Variants in ABCB11 observed in about 807,000 individuals in gnomAD.
ABCB11 encodes the protein ATP binding cassette subfamily B member 11, also known as bile salt export pump.
In ABCB11, 95 loss-of-function variants were observed where a neutral mutation model predicts 148.0. That is an observed-to-expected ratio of 0.64 (90% CI 0.54 to 0.76). The LOEUF is 0.76. Ranked by LOEUF, ABCB11 falls within the 30% of genes least tolerant of loss-of-function variation. The pLI is 0.00. For missense variants in ABCB11, 1,523 were observed against 1,617.8 expected, an observed-to-expected ratio of 0.94 and a Z score of 1.01; for synonymous variants, 591 against 555.4, an observed-to-expected ratio of 1.06 and a Z score of -0.90.
chr2:168,934,084 T>A (rs77017539), intron 23 of ABCB11, among the ~76,000 whole-genome samples: 2 of 117,108 alleles, frequency 1.7e-5, no homozygotes, highest in Non-Finnish European at 4.5e-5. Context: ...GGCAAAAAAA[T>A]ATTCTAAATT....
intron 1 of ABCB11, among the ~76,000 whole-genome samples, chr2:169,028,201 A>T (rs919110395): frequency 2.6e-5 from 4 of 151,930 alleles, no homozygotes; most frequent in African/African-American, 9.7e-5. Context: ...TGAGGACCTG[A>T]TTTACCTACC....
downstream of ABCB11, among the ~76,000 whole-genome samples, chr2:168,919,678 G>C (rs1359971523): frequency 6.6e-6 from 1 of 151,530 alleles, no homozygotes; most frequent in African/African-American, 2.4e-5. Flanking sequence ...ATGGGGAGTA[G>C]AGGTGTTGAG....
chr2:168,919,344 C>T (rs1033787388), downstream of ABCB11, among the ~76,000 whole-genome samples: 69 of 152,134 alleles, frequency 4.5e-4, no homozygotes, highest in African/African-American at 1.5e-3. Context: ...TCTTCTATTA[C>T]GCATTGCTAA....
At chr2:168,967,741 G>A (rs1693379976) in intron 17 of ABCB11, among the ~76,000 whole-genome samples, 1 of 151,794 alleles carries the variant, frequency 6.6e-6, no homozygotes, top group South Asian at 2.1e-4. Flanking sequence ...ACACTCCTGG[G>A]CAGAATTCTT....
chr2:168,921,338 G>A lies in ABCB11; in HGVS notation c.*2284C>T, dbSNP rs1437530872. Among the ~76,000 whole-genome samples, 2 of 152,096 alleles carry A rather than the reference G, an allele frequency of 1.3e-5. No individual in the cohort carries two copies. Among genetic ancestry groups the A allele is most frequent in the African/African-American group, 4.8e-5 (2 of 41,410 alleles). On this transcript the variant is annotated 3_prime_UTR_variant, in exon 28 of 28. Transcript: ENST00000650372. ...TGGCTTAATTTATAGGCAGAATTTC[G>A]TTTGTTGGCTAAGGGAAGAAAAACC...
rs140755843 is a variant in ABCB11 at position 169,016,962 on chromosome 2, GTCTC to G, written c.77-167_77-164del. ...CCTTTTCTTTCTTCCTGCTCATATT[GTCTC>G]TCTCTATCTTTCTACACACACACAC... On this transcript the variant is annotated intron_variant, in intron 2 of 27. Coordinates refer to ENST00000650372, the MANE Select transcript of ABCB11 (RefSeq NM_003742.4). Among the ~76,000 whole-genome samples, 204 of 143,108 alleles carry G rather than the reference GTCTC, an allele frequency of 1.4e-3. 1 individual carries two copies. The highest frequency in any genetic ancestry group is 0.013 in the South Asian group (56 of 4,454). 93.9% of individuals were successfully genotyped at this position (143,108 alleles called of 152,430 possible).
At chr2:168,981,091 G>T (rs994571644) in intron 10 of ABCB11, among the ~76,000 whole-genome samples, 1 of 152,092 alleles carries the variant, frequency 6.6e-6, no homozygotes, top group African/African-American at 2.4e-5. Context: ...GTTTCTATAG[G>T]CCAGACCCTT....
At chr2:168,950,608 T>C (rs370764082) in intron 19 of ABCB11, among the ~76,000 whole-genome samples, 1 of 151,722 alleles carries the variant, frequency 6.6e-6, no homozygotes, top group East Asian at 1.9e-4. Context: ...GCTCATGTCC[T>C]TCACCTACCT....
intron 5 of ABCB11, among the ~76,000 whole-genome samples, chr2:169,011,902 C>T (rs1695199389): frequency 6.6e-6 from 1 of 152,116 alleles, no homozygotes; most frequent in Non-Finnish European, 1.5e-5. Flanking sequence ...TGGGCTCAAA[C>T]AATCCTCCTG....
At chr2:168,981,887 G>A (rs1339810624) in intron 10 of ABCB11, among the ~76,000 whole-genome samples, 5 of 152,138 alleles carry the variant, frequency 3.3e-5, no homozygotes, top group Non-Finnish European at 7.3e-5. Flanking sequence ...ATAAAAACAG[G>A]CAGTGAGCTG....
chr2:168,948,951 T>C (rs866919370), intron 19 of ABCB11, among the ~76,000 whole-genome samples: 1 of 151,602 alleles, frequency 6.6e-6, no homozygotes, highest in Non-Finnish European at 1.5e-5. Flanking sequence ...AGAGGTGATG[T>C]GAGAGAAAGA....
At chr2:168,952,992 A>C (rs917298102) in intron 19 of ABCB11, among the ~76,000 whole-genome samples, 18 of 151,588 alleles carry the variant, frequency 1.2e-4, no homozygotes, top group Admixed American at 5.3e-4. Context: ...ATGCTGTTTA[A>C]TTTCCATGTA....
chr2:169,024,134 C>G (rs1187462020), intron 1 of ABCB11, among the ~76,000 whole-genome samples: 1 of 152,032 alleles, frequency 6.6e-6, no homozygotes, highest in Non-Finnish European at 1.5e-5. Context: ...CAGCAAACCA[C>G]CATGGCACAC....
In ABCB11 at chr2:168,971,216, T is replaced by C. The variant is rs534543794; in HGVS notation, c.1638+631A>G. 2.8e-4 allele frequency among the ~76,000 whole-genome samples: 42 copies of C among 152,132 alleles called. No individual in the cohort carries two copies. The Middle Eastern group carries it at 0.017, about 62-fold the overall frequency. ...TATTAGTTGCTCAACAGGGTTGTTG[T>C]GAGGGTTTAATGAGTTAATAGGTGT... On this transcript the variant is annotated intron_variant, in intron 14 of 27. Coordinates refer to ENST00000650372, the MANE Select transcript of ABCB11 (RefSeq NM_003742.4).
chr2:169,020,507 T>C (rs1304096832), intron 1 of ABCB11, among the ~76,000 whole-genome samples: 1 of 152,094 alleles, frequency 6.6e-6, no homozygotes, highest in African/African-American at 2.4e-5. Context: ...CATAAATGAA[T>C]ATTATTGAAA....
intron 5 of ABCB11, among the ~76,000 whole-genome samples, chr2:169,009,194 GA>G (rs1246222566): frequency 2.6e-5 from 4 of 152,084 alleles, no homozygotes; most frequent in African/African-American, 9.7e-5. Context: ...TAAAATTCTA[GA>G]AATACCATTT....
At chr2:168,917,834 A>G (rs1690969722), downstream of ABCB11, among the ~76,000 whole-genome samples, 1 of 152,216 alleles carries the variant, frequency 6.6e-6, no homozygotes, top group African/African-American at 2.4e-5. Context: ...CATAGTAGCC[A>G]CTAGTGGCTC....
At chr2:168,973,874 G>A in intron 12 of ABCB11, 34 bp from the exon 13 acceptor site, 1 of 1,605,674 alleles carries the variant, frequency 6.2e-7, no homozygotes, top group Middle Eastern at 1.7e-4. Flanking sequence ...AGTTCAGATT[G>A]TCACTGTTTA....
intron 5 of ABCB11, among the ~76,000 whole-genome samples, chr2:169,005,848 A>C (rs1295718401): frequency 1.3e-5 from 2 of 152,236 alleles, no homozygotes; most frequent in Non-Finnish European, 2.9e-5. Flanking sequence ...AAATTAAAAA[A>C]TATTTTTAAA....
Sources: gnomAD v4.1 joint callset for allele counts (sites outside exome capture counted in the v4.1 genomes callset) on GRCh38, gnomAD v4.1.1 for gene constraint, MANE v1.5 for transcripts, NCBI Gene and HGNC (gene_info 2026-07-23, HGNC 2026-07-21) for gene names.